The following TOR1AIP1 variants were observed in gnomAD, a reference collection of about 807,000 sequenced individuals.
TOR1AIP1 encodes the protein torsin 1A interacting protein 1, also known as torsin-1A-interacting protein 1.
Under a neutral mutation model 63.3 loss-of-function variants are expected in TOR1AIP1, and 54 were observed. The ratio of observed to expected loss-of-function variants is 0.85; its 90% CI spans 0.69 to 1.07. The LOEUF (loss-of-function observed/expected upper bound fraction) is 1.07. Among genes scored for constraint, TOR1AIP1 ranks in the 50% least tolerant of loss-of-function variants. The pLI is 0.00. For missense variants in TOR1AIP1, 736 were observed against 715.0 expected (o/e 1.03, Z -0.33); for synonymous variants, 294 against 273.5 (o/e 1.07, Z -0.74).
At chr1:179,888,058 A>ATAC (rs1647961345) in intron 2 of TOR1AIP1, 1 of 152,234 alleles carries the variant, frequency 6.6e-6, no homozygotes, top group Admixed American at 6.5e-5. Context: ...CACATGCAGG[A>ATAC]AATGCTTCTT....
intron 3 of TOR1AIP1, among the ~76,000 whole-genome samples, chr1:179,897,226 A>G (rs571953470): frequency 9.8e-4 from 149 of 152,300 alleles, no homozygotes; most frequent in African/African-American, 3.5e-3. Flanking sequence ...GATTTATTAG[A>G]TACTTCAAAT....
chr1:179,913,900 T>C (rs1433226655), intron 8 of TOR1AIP1, 98 bp from the exon 9 acceptor site: 1 of 1,175,312 alleles, frequency 8.5e-7, no homozygotes, highest in Non-Finnish European at 1.2e-6. Context: ...GTCTTCTTTT[T>C]TTCCTGGTGG....
At chr1:179,914,657 G>A (rs528880446) in intron 9 of TOR1AIP1, among the ~76,000 whole-genome samples, 1 of 152,274 alleles carries the variant, frequency 6.6e-6, no homozygotes, top group African/African-American at 2.4e-5. Context: ...AGCTGGGCGT[G>A]GTGGCACACG....
intron 3 of TOR1AIP1, among the ~76,000 whole-genome samples, chr1:179,890,154 G>C (rs1648024065): frequency 6.6e-6 from 1 of 152,128 alleles, no homozygotes; most frequent in Non-Finnish European, 1.5e-5. Context: ...CTGTGGCACA[G>C]AACGACAAAA....
rs762432523 is a variant in TOR1AIP1 at position 179,882,506 on chromosome 1, G to T, written c.4G>T (p.Ala2Ser). MAGDGRRAEAVR... is the reference protein window; with the variant it reads MSGDGRRAEAVR... ...GACTAAAGCTACGTCAACAACTATG[G>T]CGGGCGACGGGCGGCGGGCAGAGGC... Residue 2 changes from alanine (A) to serine (S), a missense_variant, in exon 1 of 10, where the codon GCG becomes TCG. Ala to Ser is a moderately conservative substitution (Grantham distance 99). Coordinates refer to ENST00000606911, the MANE Select transcript of TOR1AIP1 (RefSeq NM_015602.4). The T allele has an allele frequency of 6.9e-7, 1 of 1,455,930 alleles. No individual in the cohort carries two copies. Among genetic ancestry groups the T allele is most frequent in the Non-Finnish European group, 9.1e-7 (1 of 1,104,016 alleles). The allele number at this position is 1,455,930 out of a possible 1,614,324, so 90.2% of individuals were successfully genotyped here.
At position 179,907,913 on chromosome 1, in the gene TOR1AIP1, CTTTTTTTTTT is replaced by C. The variant is rs34218138; in HGVS notation, c.838+61_838+70del. The C allele has an allele frequency of 5.0e-5, 18 of 356,764 alleles. No individual in the cohort carries two copies. In the African/African-American group the frequency reaches 5.1e-4, roughly 10 times the overall value. The allele number at this position is 356,764 out of a possible 1,614,324, so 22.1% of individuals were successfully genotyped here. ...TTTTTCAGCCAATCAATTCTTTTCT[CTTTTTTTTTT>C]TTTTTTTTTTTGAGACGATGTCTTG... On this transcript the variant is annotated intron_variant, in intron 7 of 9. Transcript: ENST00000606911.
rs1649092375 is a variant in TOR1AIP1 at position 179,918,427 on chromosome 1, C to G, written c.*188C>G. On this transcript the variant is annotated 3_prime_UTR_variant, in exon 10 of 10. Transcript: ENST00000606911. ...TATCTGTGATATGAGAGAATCATTT[C>G]AGTTTCCATTGAGAGCTCTGTTAAA... 2 of 608,508 alleles carry G rather than the reference C, an allele frequency of 3.3e-6. No homozygotes were observed. Among genetic ancestry groups the G allele is most frequent in the East Asian group, 5.8e-5 (2 of 34,732 alleles). The allele number at this position is 608,508 out of a possible 1,614,324, so 37.7% of individuals were successfully genotyped here.
Position 179,882,381 on chromosome 1 carries a change from A to T in TOR1AIP1, c.-122A>T. The T allele has an allele frequency of 9.5e-7, 1 of 1,051,020 alleles. No homozygotes were observed. Among genetic ancestry groups the T allele is most frequent in the Non-Finnish European group, 1.3e-6 (1 of 787,268 alleles). 65.1% of individuals were successfully genotyped at this position (1,051,020 alleles called of 1,614,324 possible). A position where few individuals can be genotyped will look rare whatever the true frequency, so the allele number is the denominator to read the frequency against. On this transcript the variant is annotated 5_prime_UTR_variant, in exon 1 of 10. Transcript: ENST00000606911. ...CAGGCGGCGGCCCCAGCGACTCGCAACTGCCTCCCTGACCACAGCGGCCAC... is the reference window on the plus strand; with the variant it reads ...CAGGCGGCGGCCCCAGCGACTCGCATCTGCCTCCCTGACCACAGCGGCCAC...
chr1:179,890,867 G>A (rs1222303779), intron 3 of TOR1AIP1, among the ~76,000 whole-genome samples: 1 of 152,088 alleles, frequency 6.6e-6, no homozygotes, highest in African/African-American at 2.4e-5. Flanking sequence ...CAATCCACCC[G>A]CTTTGGCCTC....
At chr1:179,903,797 C>G (rs951715665) in intron 5 of TOR1AIP1, among the ~76,000 whole-genome samples, 169 bp from the exon 6 acceptor site, 1 of 152,238 alleles carries the variant, frequency 6.6e-6, no homozygotes, top group South Asian at 2.1e-4. Context: ...GCAAGAGCCA[C>G]TGCACCCAGC....
intron 9 of TOR1AIP1, among the ~76,000 whole-genome samples, chr1:179,915,422 A>G (rs962496514): frequency 8.5e-5 from 13 of 152,252 alleles, no homozygotes; most frequent in African/African-American, 2.7e-4. Context: ...AATAAAAAAT[A>G]TCACATTTGT....
chr1:179,915,600 A>G (rs569284494), intron 9 of TOR1AIP1, among the ~76,000 whole-genome samples: 2 of 152,316 alleles, frequency 1.3e-5, no homozygotes, highest in East Asian at 3.9e-4. Flanking sequence ...TACTAGAAAT[A>G]CAAAAACATT....
intron 5 of TOR1AIP1, 135 bp from the exon 6 acceptor site, chr1:179,903,831 T>C (rs1648540339): frequency 1.8e-6 from 1 of 551,764 alleles, no homozygotes; most frequent in Admixed American, 3.7e-5. Context: ...AAATAAATTA[T>C]GCATCCACGT....
chr1:179,917,356 A>AAAGACTG, intron 9 of TOR1AIP1, 96 bp from the exon 10 acceptor site: 5 of 1,004,752 alleles, frequency 5.0e-6, no homozygotes, highest in Non-Finnish European at 5.9e-6. Flanking sequence ...TCTTTTACCT[A>AAAGACTG]ATGTTTATAA....
chr1:179,917,666 C>T lies in TOR1AIP1; in HGVS notation c.1179C>T (p.Phe393=), dbSNP rs1472365018. ...DEKLWKRSQT[F]LEKHLNSSHP... ...AGCTGTGGAAAAGGAGCCAAACATTCCTGGAAAAACATCTTAATAGCTCCC... is the reference window on the plus strand; with the variant it reads ...AGCTGTGGAAAAGGAGCCAAACATTTCTGGAAAAACATCTTAATAGCTCCC... Residue 393 remains phenylalanine, a synonymous_variant, in exon 10 of 10, where the codon TTC becomes TTT. Transcript: ENST00000606911. 1 of 1,614,144 alleles carries T rather than the reference C, an allele frequency of 6.2e-7. No individual in the cohort carries two copies.
intron 3 of TOR1AIP1, among the ~76,000 whole-genome samples, chr1:179,897,761 A>G (rs1360482933): frequency 6.6e-6 from 1 of 152,148 alleles, no homozygotes; most frequent in Non-Finnish European, 1.5e-5. Context: ...GGAACCTCTC[A>G]TATTAGGAAA....
chr1:179,892,430 G>A (rs982259371), intron 3 of TOR1AIP1, among the ~76,000 whole-genome samples: 2 of 151,826 alleles, frequency 1.3e-5, no homozygotes, highest in African/African-American at 4.8e-5. Flanking sequence ...CCGCAATCAC[G>A]CCATTGCACT....
At chr1:179,893,359 G>C (rs995227750) in intron 3 of TOR1AIP1, among the ~76,000 whole-genome samples, 10 of 152,124 alleles carry the variant, frequency 6.6e-5, no homozygotes, top group South Asian at 2.1e-4. Context: ...TTGAATACTA[G>C]TGATACCACC....
Position 179,904,031 on chromosome 1 carries a change from A to G in TOR1AIP1, c.796+9A>G. 6.2e-7 allele frequency: 1 copy of G among 1,600,868 alleles called. No homozygotes were observed. Among genetic ancestry groups the G allele is most frequent in the Non-Finnish European group, 8.5e-7 (1 of 1,170,622 alleles). On this transcript the variant is annotated intron_variant, in intron 6 of 9. Coordinates refer to ENST00000606911, the MANE Select transcript of TOR1AIP1 (RefSeq NM_015602.4). ...TTGGCAGTCATCACAAAGTAAGTAA[A>G]GCTGTGTTTACAGTGTCTTCCTGTG...
Sources: gnomAD v4.1 joint callset for allele counts (sites outside exome capture counted in the v4.1 genomes callset) on GRCh38, gnomAD v4.1.1 for gene constraint, MANE v1.5 for transcripts, NCBI Gene and HGNC (gene_info 2026-07-23, HGNC 2026-07-21) for gene names.